Variants in RABGAP1L observed in about 807,000 individuals in gnomAD.
RABGAP1L encodes the protein RAB GTPase activating protein 1 like.
Under a neutral mutation model 137.7 loss-of-function variants are expected in RABGAP1L, and 63 were observed. The observed-to-expected ratio is 0.46, with a 90% CI of 0.37 to 0.56. RABGAP1L has a LOEUF of 0.56. Ranked by LOEUF, RABGAP1L falls within the 20% of genes least tolerant of loss-of-function variation. The pLI, the probability that RABGAP1L is intolerant of heterozygous loss-of-function variation, is 0.00. For missense variants in RABGAP1L, 1,095 were observed against 1,244.0 expected (o/e 0.88, Z 1.80); for synonymous variants, 431 against 433.7 (o/e 0.99, Z 0.08).
At chr1:174,863,672 TA>T (rs762683129) in intron 19 of RABGAP1L, among the ~76,000 whole-genome samples, 340 of 119,714 alleles carry the variant, frequency 2.8e-3, no homozygotes, top group Middle Eastern at 5.3e-3. Flanking sequence ...GACTCCGTCT[TA>T]AAAAAAAAAA....
At chr1:174,698,744 A>T (rs1179696937) in intron 15 of RABGAP1L, among the ~76,000 whole-genome samples, 1 of 152,156 alleles carries the variant, frequency 6.6e-6, no homozygotes. Flanking sequence ...GTTAAGGAAA[A>T]AAATCAAGAT....
chr1:174,833,252 T>C (rs1026597107), intron 19 of RABGAP1L, among the ~76,000 whole-genome samples: 5 of 150,456 alleles, frequency 3.3e-5, no homozygotes, highest in African/African-American at 1.2e-4. Flanking sequence ...TAGGCTAGAG[T>C]GTAGTGGTGT....
chr1:174,897,119 G>C (rs1396097449), intron 19 of RABGAP1L: 1 of 152,144 alleles, frequency 6.6e-6, no homozygotes, highest in East Asian at 1.9e-4. Context: ...ATTTTGTTGA[G>C]CAGTGATTTG....
At chr1:174,449,156 GAACCCA>G (rs1410651856) in intron 13 of RABGAP1L, 10 of 1,610,202 alleles carry the variant, frequency 6.2e-6, no homozygotes, top group Non-Finnish European at 7.6e-6. Context: ...GGAAGCACAA[GAACCCA>G]AACCTAGGAA....
chr1:174,441,268 A>G (rs1470466093), intron 13 of RABGAP1L, among the ~76,000 whole-genome samples: 1 of 151,990 alleles, frequency 6.6e-6, no homozygotes, highest in African/African-American at 2.4e-5. Context: ...TAAGATACCT[A>G]ATGACCCCGA....
At chr1:174,394,231 G>A in intron 13 of RABGAP1L, 86 bp downstream of exon 13, 1 of 1,467,558 alleles carries the variant, frequency 6.8e-7, no homozygotes. Context: ...AGTCATAAAT[G>A]CTTTGAACTT....
intron 7 of RABGAP1L, among the ~76,000 whole-genome samples, chr1:174,269,672 A>C (rs1043381688): frequency 6.6e-6 from 1 of 152,162 alleles, no homozygotes; most frequent in Non-Finnish European, 1.5e-5. Flanking sequence ...GTTGATTTCA[A>C]TTTTTCAGTG....
intron 16 of RABGAP1L, chr1:174,700,688 G>C (rs1679582319): frequency 6.2e-6 from 1 of 162,118 alleles, no homozygotes; most frequent in Admixed American, 6.0e-5. Context: ...TGTAAAACGA[G>C]CCATAAGTAC....
At chr1:174,467,677 A>G (rs1286712109) in intron 13 of RABGAP1L, among the ~76,000 whole-genome samples, 2 of 152,286 alleles carry the variant, frequency 1.3e-5, no homozygotes, top group Middle Eastern at 3.4e-3. Context: ...GAGAAAATTG[A>G]GCATCAGTAT....
intron 13 of RABGAP1L, among the ~76,000 whole-genome samples, chr1:174,627,278 C>A (rs921804430): frequency 3.2e-4 from 48 of 152,188 alleles, no homozygotes; most frequent in African/African-American, 9.9e-4. Context: ...AAATACCTTT[C>A]TAGTTGTTGA....
In RABGAP1L at chr1:174,221,016, G is replaced by A. The variant is rs1380315695; in HGVS notation, c.183G>A (p.Glu61=). Residue 61 remains glutamate (E), a synonymous_variant, in exon 3 of 26, where the codon GAG becomes GAA. Transcript: ENST00000681986. ...GDEQLEKAME[E]ILRDSEKRPS... ...AACAATTGGAAAAAGCCATGGAAGA[G>A]ATTTTGAGAGATTCCGAGAAAAGGC... The A allele has an allele frequency of 6.2e-7, 1 of 1,613,650 alleles. No homozygotes were observed. The highest frequency in any genetic ancestry group is 8.5e-7 in the Non-Finnish European group (1 of 1,179,756).
chr1:174,309,944 A>G (rs571133804), intron 11 of RABGAP1L, among the ~76,000 whole-genome samples: 5 of 152,120 alleles, frequency 3.3e-5, no homozygotes, highest in Non-Finnish European at 7.4e-5. Context: ...GTATTAATTC[A>G]TCTTTCAGTC....
chr1:174,452,775 A>G (rs1655586864), intron 13 of RABGAP1L, among the ~76,000 whole-genome samples: 1 of 151,946 alleles, frequency 6.6e-6, no homozygotes, highest in East Asian at 1.9e-4. Flanking sequence ...GTTAGTCAGG[A>G]TGGTCTTGAT....
chr1:174,859,375 C>T (rs965008950), intron 19 of RABGAP1L, among the ~76,000 whole-genome samples: 3 of 151,022 alleles, frequency 2.0e-5, no homozygotes, highest in African/African-American at 7.3e-5. Flanking sequence ...CCCAGCTACT[C>T]GGGAGGCTGA....
intron 19 of RABGAP1L, among the ~76,000 whole-genome samples, chr1:174,940,266 C>CT (rs531025242): frequency 0.028 from 3,952 of 140,688 alleles, 54 homozygotes; most frequent in Non-Finnish European, 0.033. Context: ...TTGTTTGTTT[C>CT]TTTTTTTTTT....
intron 11 of RABGAP1L, among the ~76,000 whole-genome samples, chr1:174,358,149 C>CT (rs554396896): frequency 0.016 from 2,353 of 146,252 alleles, 43 homozygotes; most frequent in Admixed American, 0.051. Flanking sequence ...GGAAAAGAGA[C>CT]TTTTTTTTTT....
At chr1:174,304,845 T>G (rs1342270565) in intron 10 of RABGAP1L, 141 bp from the exon 11 acceptor site, 3 of 709,624 alleles carry the variant, frequency 4.2e-6, no homozygotes, top group Non-Finnish European at 6.4e-6. Context: ...CTTAAAAGTT[T>G]TCAGAACCTC....
At chr1:174,835,821 T>C (rs1692683381) in intron 19 of RABGAP1L, among the ~76,000 whole-genome samples, 1 of 152,212 alleles carries the variant, frequency 6.6e-6, no homozygotes. Flanking sequence ...ATAAAAGTGA[T>C]GTATATTTCT....
chr1:174,800,029 T>C (rs987206536), intron 18 of RABGAP1L: 1 of 1,154,512 alleles, frequency 8.7e-7, no homozygotes, highest in African/African-American at 1.6e-5. Flanking sequence ...TGTCCGTTTT[T>C]ACACATGTAT....
Sources: allele counts gnomAD v4.1 joint callset (sites outside exome capture counted in the v4.1 genomes callset), GRCh38; gene constraint gnomAD v4.1.1; transcripts MANE v1.5; gene names NCBI Gene and HGNC (gene_info 2026-07-23, HGNC 2026-07-21).